NANS: variants seen among roughly 807,000 people sequenced by gnomAD.
NANS encodes N-acetylneuraminate synthase.
In NANS, 29 loss-of-function variants were observed where a neutral mutation model predicts 33.3. That is an observed-to-expected ratio of 0.87 (90% CI 0.65 to 1.19). The LOEUF is 1.19. Among genes scored for constraint, NANS ranks in the 50% most tolerant of loss-of-function variants. The probability of loss-of-function intolerance (pLI) is 0.00; values close to 1 mark genes in which losing one functional copy is unlikely to be tolerated. For missense variants in NANS, 394 were observed against 461.1 expected (o/e 0.85, Z 1.33); for synonymous variants, 163 against 177.2 (o/e 0.92, Z 0.64).
intron 3 of NANS, 187 bp from the exon 4 acceptor site, chr9:98,078,006 A>T: frequency 1.3e-6 from 1 of 750,040 alleles, no homozygotes; most frequent in Non-Finnish European, 2.1e-6. Flanking sequence ...AGGGGAGCCC[A>T]CCTTTCCTGT....
At position 98,082,887 on chromosome 9, in the gene NANS, C is replaced by T. The variant is rs1410223503; in HGVS notation, c.912C>T (p.Gly304=). The T allele has an allele frequency of 6.8e-6, 11 of 1,614,182 alleles. No individual in the cohort carries two copies. The highest frequency in any genetic ancestry group is 1.1e-5 in the South Asian group (1 of 91,090). The change falls in exon 6 of 6, where the codon GGC becomes GGT. Residue 304 remains glycine (G), a synonymous_variant. Transcript: ENST00000210444. The part of the protein sequence containing the change: ...SVVAKVKIPE[G]TILTMDMLTV... ...TGGCCAAAGTGAAAATTCCGGAAGG[C>T]ACCATTCTAACAATGGACATGCTCA...
At chr9:98,064,668 G>A (rs1829083146) in intron 2 of NANS, among the ~76,000 whole-genome samples, 1 of 152,214 alleles carries the variant, frequency 6.6e-6, no homozygotes, top group African/African-American at 2.4e-5. Flanking sequence ...GAGGACCAGA[G>A]GGGCCAGAAG....
chr9:98,062,419 T>G (rs1357831574), intron 2 of NANS, among the ~76,000 whole-genome samples: 3 of 152,136 alleles, frequency 2.0e-5, no homozygotes, highest in Admixed American at 2.0e-4. Flanking sequence ...CTCTGTGACC[T>G]GCCTCCTTAA....
At chr9:98,075,472 AAGGAAGGGAGGGAGGGAAGGAGAC>A (rs1481525416) in intron 2 of NANS, 1 of 141,988 alleles carries the variant, frequency 7.0e-6, no homozygotes, top group Admixed American at 7.1e-5. Flanking sequence ...GGGAGGGAGG[AAGGAAGGGAGGGAGGGAAGGAGAC>A]AGGAAGGGAG....
chr9:98,063,840 G>T (rs954447246), intron 2 of NANS, among the ~76,000 whole-genome samples: 1 of 150,394 alleles, frequency 6.6e-6, no homozygotes, highest in African/African-American at 2.4e-5. Flanking sequence ...ACTGCACCCA[G>T]CCTGTTTTTT....
intron 2 of NANS, among the ~76,000 whole-genome samples, chr9:98,070,922 C>G (rs1829312493): frequency 1.3e-5 from 2 of 151,866 alleles, no homozygotes; most frequent in African/African-American, 4.8e-5. Context: ...AGCGATCCTC[C>G]CACCTCAGCC....
chr9:98,078,120 A>G, intron 3 of NANS, 73 bp from the exon 4 acceptor site: 1 of 1,592,688 alleles, frequency 6.3e-7, no homozygotes, highest in East Asian at 2.2e-5. Flanking sequence ...TGAGACCAGC[A>G]GTTGGGATGT....
chr9:98,058,401 T>C (rs1452734168), intron 1 of NANS, among the ~76,000 whole-genome samples: 1 of 152,218 alleles, frequency 6.6e-6, no homozygotes, highest in Admixed American at 6.5e-5. Flanking sequence ...GCCGATTTCA[T>C]TTTAAAGGCT....
Position 98,078,245 on chromosome 9 carries a change from A to C in NANS, c.501A>C (p.Gln167His). 6.2e-7 allele frequency: 1 copy of C among 1,614,058 alleles called. No homozygotes were observed. Among genetic ancestry groups the C allele is most frequent in the Non-Finnish European group, 8.5e-7 (1 of 1,180,018 alleles). The part of the protein sequence containing the change: ...SGMQSMDTMK[Q>H]VYQIVKPLNP... ...TGCAGTCAATGGACACCATGAAGCA[A>C]GTTTATCAGATCGTGAAGCCCCTCA... Residue 167 changes from glutamine to histidine, a missense_variant, in exon 4 of 6, where the codon CAA (glutamine) becomes CAC (histidine). By Grantham distance (24) the Gln-to-His change is conservative. Transcript: ENST00000210444.
intron 2 of NANS, among the ~76,000 whole-genome samples, chr9:98,070,602 G>T (rs1320647695): frequency 6.6e-6 from 1 of 151,124 alleles, no homozygotes; most frequent in Non-Finnish European, 1.5e-5. Flanking sequence ...TGTATTTTTA[G>T]TAGAGATGAG....
intron 2 of NANS, among the ~76,000 whole-genome samples, chr9:98,073,136 C>T (rs570252189): frequency 2.0e-5 from 3 of 152,266 alleles, no homozygotes; most frequent in African/African-American, 4.8e-5. Context: ...CCAGCAAAGC[C>T]GCCCTTCCCT....
chr9:98,061,688 G>A (rs1216946306), intron 2 of NANS, among the ~76,000 whole-genome samples: 1 of 150,730 alleles, frequency 6.6e-6, no homozygotes, highest in Non-Finnish European at 1.5e-5. Flanking sequence ...GCTGAGGCAG[G>A]AGAATCGCTT....
intron 2 of NANS, among the ~76,000 whole-genome samples, chr9:98,062,777 GTTTT>G (rs765558300): frequency 1.8e-5 from 2 of 109,314 alleles, no homozygotes; most frequent in Non-Finnish European, 3.7e-5. Context: ...AGTTATTTCA[GTTTT>G]TTTTTTTTTT....
chr9:98,060,419 AG>A (rs1451150215), intron 1 of NANS, among the ~76,000 whole-genome samples: 19 of 152,178 alleles, frequency 1.2e-4, no homozygotes, highest in African/African-American at 4.3e-4. Flanking sequence ...CTGTAATCCC[AG>A]CACTTTGGGA....
At chr9:98,061,704 TGGGAG>T (rs1222798269) in intron 2 of NANS, among the ~76,000 whole-genome samples, 6 of 150,154 alleles carry the variant, frequency 4.0e-5, no homozygotes, top group South Asian at 2.1e-4. Context: ...CGCTTGAACC[TGGGAG>T]GTGGAGGTTG....
Position 98,082,850 on chromosome 9 carries a change from GC to G in NANS, c.876del (p.Lys293SerfsTer7). 6.2e-7 allele frequency: 1 copy of G among 1,614,036 alleles called. No individual in the cohort carries two copies. Among genetic ancestry groups the G allele is most frequent in the Non-Finnish European group, 8.5e-7 (1 of 1,179,952 alleles). On this transcript the variant is annotated frameshift_variant, in exon 6 of 6. Coordinates refer to ENST00000210444, the MANE Select transcript of NANS (RefSeq NM_018946.4). LOFTEE classifies it high-confidence loss of function. The stretch of plus-strand genomic sequence containing the variant: ...GAATGTTCATTTTGTCCACAGCTGG[GC>G]AAGTCTGTGGTGGCCAAAGTGAAAA... ...PCEMACNEKL[G>X]KSVVAKVKIP...
intron 2 of NANS, among the ~76,000 whole-genome samples, chr9:98,071,825 T>C (rs921686388): frequency 1.3e-5 from 2 of 152,218 alleles, no homozygotes; most frequent in South Asian, 2.1e-4. Flanking sequence ...TCTGCTTCCG[T>C]CCACGTTTCC....
At chr9:98,070,032 T>C (rs1564159662) in intron 2 of NANS, among the ~76,000 whole-genome samples, 1 of 152,196 alleles carries the variant, frequency 6.6e-6, no homozygotes, top group African/African-American at 2.4e-5. Context: ...ATATAGTATC[T>C]CTCTGTGTTC....
At chr9:98,072,286 C>A (rs1226547202) in intron 2 of NANS, among the ~76,000 whole-genome samples, 3 of 152,236 alleles carry the variant, frequency 2.0e-5, no homozygotes, top group Non-Finnish European at 4.4e-5. Flanking sequence ...TGTTCTGTGA[C>A]TCAGAACCCT....
Sources: gnomAD v4.1 joint callset for allele counts (sites outside exome capture counted in the v4.1 genomes callset) on GRCh38, gnomAD v4.1.1 for gene constraint, MANE v1.5 for transcripts, NCBI Gene and HGNC (gene_info 2026-07-23, HGNC 2026-07-21) for gene names.